The following GALNT16 variants were observed in gnomAD, a reference collection of about 807,000 sequenced individuals.
GALNT16 encodes UDP-GalNAc:polypeptide N-acetylgalactosaminyltransferase-like protein 1.
A neutral mutation model predicts 76.1 loss-of-function variants in GALNT16; 40 were observed. The ratio of observed to expected loss-of-function variants is 0.53; its 90% CI spans 0.41 to 0.68. GALNT16 has a LOEUF of 0.68. Ranked by LOEUF, GALNT16 falls within the 30% of genes least tolerant of loss-of-function variation. The pLI is 0.00. For missense variants in GALNT16, 621 were observed against 731.9 expected (o/e 0.85, Z 1.75); for synonymous variants, 276 against 285.2 (o/e 0.97, Z 0.32).
the GALNT16 span, among the ~76,000 whole-genome samples, chr14:69,367,642 G>A: frequency 1.7e-4 from 25 of 143,628 alleles, no homozygotes; most frequent in African/African-American, 5.8e-4. Context: ...GGCTGTGCAA[G>A]GCAAAAAAAA....
intron 1 of GALNT16, among the ~76,000 whole-genome samples, chr14:69,297,030 C>A: frequency 6.6e-6 from 1 of 152,190 alleles, no homozygotes; most frequent in South Asian, 2.1e-4. Context: ...ATAAGTTATT[C>A]AATCAGCCAC....
At chr14:69,332,971 C>T in intron 7 of GALNT16, 114 bp from the exon 8 acceptor site, 4 of 772,952 alleles carry the variant, frequency 5.2e-6, no homozygotes, top group Non-Finnish European at 7.0e-6. Flanking sequence ...GGAGGGACTG[C>T]ACGAAGAGCC....
At position 69,353,170 on chromosome 14, in the gene GALNT16, A is replaced by C. The variant is rs781725504; in HGVS notation, c.*1002A>C. 1.3e-5 allele frequency among the ~76,000 whole-genome samples: 2 copies of C among 152,084 alleles called. No individual in the cohort carries two copies. Among genetic ancestry groups the C allele is most frequent in the Non-Finnish European group, 2.9e-5 (2 of 68,004 alleles). On this transcript the variant is annotated 3_prime_UTR_variant, in exon 15 of 15. Coordinates refer to ENST00000448469, the MANE Select transcript of GALNT16 (RefSeq NM_001168368.2). ...TTTCTCAAAGGTTTTTGCCTCTGTC[A>C]ATACAGCATCATGGGTGGTTGGAAA...
chr14:69,377,954 A>G, the GALNT16 span, among the ~76,000 whole-genome samples: 1 of 152,166 alleles, frequency 6.6e-6, no homozygotes, highest in African/African-American at 2.4e-5. Flanking sequence ...AAGGAAGACC[A>G]TCCTGATGTA....
chr14:69,312,053 AAATC>A (rs1241956750), intron 1 of GALNT16, among the ~76,000 whole-genome samples: 1 of 127,750 alleles, frequency 7.8e-6, no homozygotes, highest in African/African-American at 2.8e-5. Context: ...AAAAAAAAAA[AAATC>A]TGTCTATCTA....
At chr14:69,260,537 C>G in intron 1 of GALNT16, 70 bp downstream of exon 1, 1 of 1,139,602 alleles carries the variant, frequency 8.8e-7, no homozygotes, top group Non-Finnish European at 1.1e-6. Context: ...TGCGCGGCGG[C>G]CGAGGGCGCG....
chr14:69,305,101 C>G (rs1317197852), intron 1 of GALNT16, among the ~76,000 whole-genome samples: 1 of 150,206 alleles, frequency 6.7e-6, no homozygotes, highest in Non-Finnish European at 1.5e-5. Context: ...TGCAGGAGTT[C>G]CAATTTCTCC....
the GALNT16 span, among the ~76,000 whole-genome samples, chr14:69,373,385 A>G: frequency 6.6e-6 from 1 of 152,238 alleles, no homozygotes; most frequent in East Asian, 1.9e-4. Context: ...GGCCTGTCTC[A>G]GTTAAGCGAT....
At chr14:69,374,627 A>G in the GALNT16 span, among the ~76,000 whole-genome samples, 15 of 152,382 alleles carry the variant, frequency 9.8e-5, no homozygotes, top group African/African-American at 3.4e-4. Context: ...TTTGAACAGT[A>G]GTGGTATATT....
chr14:69,351,947 A>C, intron 14 of GALNT16, 84 bp from the exon 15 acceptor site: 1 of 1,298,910 alleles, frequency 7.7e-7, no homozygotes, highest in Non-Finnish European at 1.1e-6. Flanking sequence ...GGCTGTGTGC[A>C]TACATGTGGA....
chr14:69,270,280 G>C (rs1481144484), intron 1 of GALNT16, among the ~76,000 whole-genome samples: 1 of 152,140 alleles, frequency 6.6e-6, no homozygotes, highest in Admixed American at 6.5e-5. Context: ...TTGATAAAAG[G>C]GGCTGCCCTC....
In GALNT16 at chr14:69,333,259, C is replaced by A; in HGVS notation, c.863+90C>A. ...TGGGAGGCTGTATCGGTCGCTTGGGCTCCTGAGGCGCACTAAGTGCTGACT... is the reference window on the plus strand; with the variant it reads ...TGGGAGGCTGTATCGGTCGCTTGGGATCCTGAGGCGCACTAAGTGCTGACT... On this transcript the variant is annotated intron_variant, in intron 8 of 14. Coordinates refer to ENST00000448469, the MANE Select transcript of GALNT16 (RefSeq NM_001168368.2). This position sits in a 1 kb window ranked among gnomAD's most constrained non-coding sequence, Gnocchi z 4.2. 3 of 876,970 alleles carry A rather than the reference C, an allele frequency of 3.4e-6. No individual in the cohort carries two copies. The highest frequency in any genetic ancestry group is 2.5e-5 in the East Asian group (1 of 39,754). 54.3% of individuals were successfully genotyped at this position (876,970 alleles called of 1,614,324 possible). A position where few individuals can be genotyped will look rare whatever the true frequency, so the allele number is the denominator to read the frequency against.
intron 1 of GALNT16, among the ~76,000 whole-genome samples, chr14:69,275,115 AG>A (rs1224300852): frequency 1.3e-5 from 2 of 152,194 alleles, no homozygotes; most frequent in Non-Finnish European, 2.9e-5. Context: ...GGAACGAGAA[AG>A]GGGTGACCAT....
Position 69,325,421 on chromosome 14 carries a change from C to G in GALNT16, c.502+17C>G, listed in dbSNP as rs770816426. On this transcript the variant is annotated intron_variant, in intron 4 of 14. Transcript: ENST00000448469. ...GCTCAGATCGTGAGTAGTCACCTTC[C>G]TTTTTGCAGCCCTCCATTCCGCCCT... The G allele has an allele frequency of 6.9e-7, 1 of 1,439,022 alleles. No individual in the cohort carries two copies. The highest frequency in any genetic ancestry group is 9.8e-7 in the Non-Finnish European group (1 of 1,020,068). The allele number at this position is 1,439,022 out of a possible 1,614,324, so 89.1% of individuals were successfully genotyped here.
chr14:69,345,112 G>T (rs777301246), intron 12 of GALNT16, among the ~76,000 whole-genome samples: 1 of 152,198 alleles, frequency 6.6e-6, no homozygotes, highest in Non-Finnish European at 1.5e-5. Flanking sequence ...GCTCATTGTG[G>T]CCTGATCTTC....
At chr14:69,273,466 C>G (rs187177815) in intron 1 of GALNT16, among the ~76,000 whole-genome samples, 4 of 152,140 alleles carry the variant, frequency 2.6e-5, no homozygotes, top group African/African-American at 9.7e-5. Context: ...AGGCTATGAT[C>G]GATTAGCCAT....
chr14:69,265,210 G>C (rs72720292), intron 1 of GALNT16, among the ~76,000 whole-genome samples: 25,849 of 152,158 alleles, frequency 0.17, 2,284 homozygotes, highest in South Asian at 0.21. Context: ...GGTCAGCCCA[G>C]AGGGAACTAA....
chr14:69,304,392 C>T (rs75806022), intron 1 of GALNT16, among the ~76,000 whole-genome samples: 11,616 of 152,228 alleles, frequency 0.076, 595 homozygotes, highest in Non-Finnish European at 0.12. Context: ...GATCACATGT[C>T]AATGAGTGAG....
intron 10 of GALNT16, among the ~76,000 whole-genome samples, 156 bp from the exon 11 acceptor site, chr14:69,339,371 T>C (rs2045455289): frequency 6.6e-6 from 1 of 152,194 alleles, no homozygotes; most frequent in Non-Finnish European, 1.5e-5. Flanking sequence ...TGACAGACTG[T>C]CTTCCAAAAG....
Sources: gnomAD v4.1 joint callset for allele counts (sites outside exome capture counted in the v4.1 genomes callset) on GRCh38, gnomAD v4.1.1 for gene constraint, Gnocchi (gnomAD v3.1) non-coding constraint, MANE v1.5 for transcripts, NCBI Gene and HGNC (gene_info 2026-07-23, HGNC 2026-07-21) for gene names.